The following NOVA1 variants were observed in gnomAD, a reference collection of about 807,000 sequenced individuals.
The protein encoded by NOVA1 is NOVA alternative splicing regulator 1.
NOVA1 carries 7 observed loss-of-function variants against 38.0 expected under a neutral mutation model. The ratio of observed to expected loss-of-function variants is 0.18; its 90% CI spans 0.10 to 0.35. The LOEUF (loss-of-function observed/expected upper bound fraction) is 0.35. Ranked by LOEUF, NOVA1 falls within the 10% of genes least tolerant of loss-of-function variation. NOVA1 has a pLI of 1.00. For missense variants in NOVA1, 460 were observed against 616.0 expected (o/e 0.75, Z 2.68); for synonymous variants, 270 against 232.5 (o/e 1.16, Z -1.47).
At chr14:26,497,535 C>A (rs908922124) in intron 2 of NOVA1, among the ~76,000 whole-genome samples, 1 of 152,108 alleles carries the variant, frequency 6.6e-6, no homozygotes, top group Non-Finnish European at 1.5e-5. Context: ...ACATAATGCT[C>A]CCTTACTGAA....
chr14:26,482,083 G>T (rs1357366805), intron 2 of NOVA1, among the ~76,000 whole-genome samples: 2 of 147,478 alleles, frequency 1.4e-5, no homozygotes. Context: ...TACAAACCAT[G>T]TCAGACCACA....
At chr14:26,460,595 G>A (rs909169992) in intron 4 of NOVA1, among the ~76,000 whole-genome samples, 1 of 151,834 alleles carries the variant, frequency 6.6e-6, no homozygotes, top group South Asian at 2.1e-4. Context: ...TATGGCATTA[G>A]GTTCAGAATA....
chr14:26,591,018 A>G (rs1395813663), intron 2 of NOVA1, among the ~76,000 whole-genome samples: 2 of 151,912 alleles, frequency 1.3e-5, no homozygotes, highest in Admixed American at 6.6e-5. Context: ...TAAAAACCCC[A>G]CAAAACATCT....
intron 2 of NOVA1, among the ~76,000 whole-genome samples, chr14:26,486,821 T>C (rs1885951214): frequency 6.6e-6 from 1 of 151,844 alleles, no homozygotes; most frequent in Admixed American, 6.6e-5. Context: ...TTCATTTTTC[T>C]TTATTTCCAA....
At chr14:26,457,770 A>T (rs1321100614) in intron 4 of NOVA1, among the ~76,000 whole-genome samples, 1 of 152,150 alleles carries the variant, frequency 6.6e-6, no homozygotes, top group Non-Finnish European at 1.5e-5. Flanking sequence ...GTAATCCAGA[A>T]GAACACATTG....
intron 2 of NOVA1, among the ~76,000 whole-genome samples, chr14:26,481,102 T>C (rs989992587): frequency 1.4e-4 from 21 of 152,112 alleles, no homozygotes; most frequent in South Asian, 2.1e-4. Context: ...TGTAGAAGCC[T>C]GGTATTCCAC....
chr14:26,527,028 C>G (rs10136707), intron 2 of NOVA1, among the ~76,000 whole-genome samples: 3,227 of 106,818 alleles, frequency 0.03, 109 homozygotes, highest in African/African-American at 0.11. Flanking sequence ...ACAGAAGAAT[C>G]ACCTAAGGTA....
intron 2 of NOVA1, among the ~76,000 whole-genome samples, chr14:26,497,333 G>A (rs1886895332): frequency 6.6e-6 from 1 of 152,102 alleles, no homozygotes; most frequent in Non-Finnish European, 1.5e-5. Flanking sequence ...CATGCTCATG[G>A]GTAGGAAGAA....
chr14:26,476,160 C>T (rs178214), intron 3 of NOVA1, among the ~76,000 whole-genome samples: 96,126 of 152,008 alleles, frequency 0.63, 32,971 homozygotes, highest in Non-Finnish European at 0.75. Context: ...TTTTTAATTT[C>T]TGACAAATAT....
intron 4 of NOVA1, among the ~76,000 whole-genome samples, chr14:26,461,945 A>AG (rs368942891): frequency 5.3e-5 from 8 of 151,180 alleles, no homozygotes; most frequent in Non-Finnish European, 1.0e-4. Context: ...CGTCTCAAAA[A>AG]ACAAAAACAA....
chr14:26,491,033 G>C (rs1886301068), intron 2 of NOVA1, among the ~76,000 whole-genome samples: 1 of 151,870 alleles, frequency 6.6e-6, no homozygotes, highest in Non-Finnish European at 1.5e-5. Context: ...TGTATTTTTA[G>C]TAGAGACGGG....
rs1025867916 is a variant in NOVA1 at position 26,540,987 on chromosome 14, T to C, written c.280+54423A>G. 5.3e-5 allele frequency among the ~76,000 whole-genome samples: 8 copies of C among 152,212 alleles called. No homozygotes were observed. In the East Asian group the frequency reaches 1.2e-3, roughly 22 times the overall value. On this transcript the variant is annotated intron_variant, in intron 2 of 4. Transcript: ENST00000539517. ...TTATCAACAGAGATAGAATAAGCCATACTGATTCAATACAAATCTTAAAGG... is the reference window on the plus strand; with the variant it reads ...TTATCAACAGAGATAGAATAAGCCACACTGATTCAATACAAATCTTAAAGG...
chr14:26,510,365 T>C (rs1887977268), intron 2 of NOVA1, among the ~76,000 whole-genome samples: 1 of 152,164 alleles, frequency 6.6e-6, no homozygotes, highest in African/African-American at 2.4e-5. Context: ...ATCTATTGTT[T>C]CCAAACATAA....
intron 2 of NOVA1, among the ~76,000 whole-genome samples, chr14:26,578,027 C>A (rs558986919): frequency 6.6e-6 from 1 of 150,982 alleles, no homozygotes; most frequent in African/African-American, 2.4e-5. Flanking sequence ...AAGAAATATA[C>A]GGCTGCAACC....
chr14:26,508,961 T>A (rs1341156324), intron 2 of NOVA1, among the ~76,000 whole-genome samples: 1 of 151,738 alleles, frequency 6.6e-6, no homozygotes, highest in African/African-American at 2.4e-5. Flanking sequence ...AAATATTAAA[T>A]AAAGGAAAGA....
At chr14:26,560,963 A>T (rs1278600460) in intron 2 of NOVA1, among the ~76,000 whole-genome samples, 1 of 152,166 alleles carries the variant, frequency 6.6e-6, no homozygotes. Flanking sequence ...GCTCTATTAC[A>T]GCAGAAGACA....
chr14:26,596,440 T>C (rs1894196147), intron 1 of NOVA1: 1 of 781,670 alleles, frequency 1.3e-6, no homozygotes, highest in African/African-American at 1.9e-5. Flanking sequence ...TTCCGTCAAC[T>C]TGATCACATC....
At position 26,444,891 on chromosome 14, in the gene NOVA1, T is replaced by G. The variant is rs939352825; in HGVS notation, c.*3068A>C. Reference sequence around the variant, plus strand: ...AAAAACAAAAAAACTGCAATGCAACTTCAAGCAGTAATTTTGTGGTGCTGA... The same window carrying G: ...AAAAACAAAAAAACTGCAATGCAACGTCAAGCAGTAATTTTGTGGTGCTGA... On this transcript the variant is annotated 3_prime_UTR_variant, in exon 5 of 5. Transcript: ENST00000539517. The G allele has an allele frequency of 2.6e-5, 4 of 151,574 alleles. No individual in the cohort carries two copies. Among genetic ancestry groups the G allele is most frequent in the African/African-American group, 7.3e-5 (3 of 41,236 alleles). 9.4% of individuals were successfully genotyped at this position (151,574 alleles called of 1,614,324 possible).
At chr14:26,585,626 A>C (rs1893469072) in intron 2 of NOVA1, among the ~76,000 whole-genome samples, 1 of 151,366 alleles carries the variant, frequency 6.6e-6, no homozygotes, top group African/African-American at 2.4e-5. Context: ...TGATACAGCT[A>C]TAAAATCTTG....
Sources: allele counts gnomAD v4.1 joint callset (sites outside exome capture counted in the v4.1 genomes callset), GRCh38; gene constraint gnomAD v4.1.1; transcripts MANE v1.5; gene names NCBI Gene and HGNC (gene_info 2026-07-23, HGNC 2026-07-21).